Variants in ZHX2 observed in about 807,000 individuals in gnomAD.
The protein encoded by ZHX2 is zinc fingers and homeoboxes 2.
ZHX2 carries 6 observed loss-of-function variants against 21.9 expected under a neutral mutation model. The ratio of observed to expected loss-of-function variants is 0.27; its 90% CI spans 0.15 to 0.54. ZHX2 has a LOEUF of 0.54. Among genes scored for constraint, ZHX2 ranks in the 20% least tolerant of loss-of-function variants. ZHX2 has a pLI of 0.95. For missense variants in ZHX2, 908 were observed against 1,090.7 expected, an observed-to-expected ratio of 0.83 and a Z score of 2.36; for synonymous variants, 434 against 437.1, an observed-to-expected ratio of 0.99 and a Z score of 0.09.
At chr8:122,784,485 G>A (rs989971188) in intron 1 of ZHX2, among the ~76,000 whole-genome samples, 4 of 152,150 alleles carry the variant, frequency 2.6e-5, no homozygotes, top group South Asian at 4.1e-4. Flanking sequence ...TCAGATACAC[G>A]ACGTCACAGT....
intron 2 of ZHX2, among the ~76,000 whole-genome samples, chr8:122,921,135 G>T (rs187192963): frequency 1.3e-5 from 2 of 151,968 alleles, no homozygotes; most frequent in Non-Finnish European, 2.9e-5. Flanking sequence ...GCTGGAGTGC[G>T]TTGGCGTGAT....
chr8:122,822,462 C>T (rs1489484703), intron 1 of ZHX2, among the ~76,000 whole-genome samples: 1 of 152,162 alleles, frequency 6.6e-6, no homozygotes, highest in Non-Finnish European at 1.5e-5. Context: ...TCATAGGAGG[C>T]ATGCTCGTAA....
chr8:122,949,749 T>C (rs901710898), intron 2 of ZHX2, among the ~76,000 whole-genome samples: 1 of 151,908 alleles, frequency 6.6e-6, no homozygotes, highest in Non-Finnish European at 1.5e-5. Context: ...TGTGTGCCTG[T>C]AGTTCCAGCT....
At chr8:122,894,982 G>A (rs1041181444) in intron 2 of ZHX2, among the ~76,000 whole-genome samples, 1 of 152,152 alleles carries the variant, frequency 6.6e-6, no homozygotes, top group Non-Finnish European at 1.5e-5. Flanking sequence ...ATCAGTAACA[G>A]TCTGACTGAC....
intron 2 of ZHX2, among the ~76,000 whole-genome samples, chr8:122,887,790 G>A (rs1819880964): frequency 6.6e-6 from 1 of 152,144 alleles, no homozygotes; most frequent in African/African-American, 2.4e-5. Flanking sequence ...GGTTTTTCCA[G>A]GTGGTCCCTG....
Position 122,820,262 on chromosome 8 carries a change from C to T in ZHX2, c.-283+38316C>T, listed in dbSNP as rs796721296. 2.6e-5 allele frequency among the ~76,000 whole-genome samples: 4 copies of T among 152,284 alleles called. 1 individual carries two copies. The highest frequency in any genetic ancestry group is 9.6e-5 in the African/African-American group (4 of 41,550). On this transcript the variant is annotated intron_variant, in intron 1 of 3. Coordinates refer to ENST00000314393, the MANE Select transcript of ZHX2 (RefSeq NM_014943.5). The stretch of plus-strand genomic sequence containing the variant: ...GCTGTGGGGCTGGCTGTGGCCTCCT[C>T]GCAGGCCAGGGAGGAGCAGAGCTGG...
At chr8:122,875,129 TTATATATATATATATATATA>T (rs71310631) in intron 2 of ZHX2, among the ~76,000 whole-genome samples, 48 of 10,208 alleles carry the variant, frequency 4.7e-3, no homozygotes, top group Non-Finnish European at 6.2e-3. Flanking sequence ...GAAAACTCTG[TTATATATATATATATATATA>T]TATATATATA....
At chr8:122,954,466 C>T (rs879282998) in intron 3 of ZHX2, among the ~76,000 whole-genome samples, 2 of 152,168 alleles carry the variant, frequency 1.3e-5, no homozygotes, top group Admixed American at 6.5e-5. Flanking sequence ...TGCCACCACA[C>T]CCAACTAATA....
rs147052165 is a variant in ZHX2 at position 122,864,977 on chromosome 8, A to G, written c.-220+1438A>G. Among the ~76,000 whole-genome samples the G allele has an allele frequency of 4.5e-3, 683 of 152,292 alleles. 7 individuals carry two copies. Among genetic ancestry groups the G allele is most frequent in the African/African-American group, 0.016 (663 of 41,558 alleles). ...TGAGGGCAGGGCTCTGTGGGAGGCC[A>G]GAGACGGTGTTTTTCTTTAAGAAAC... On this transcript the variant is annotated intron_variant, in intron 2 of 3. Coordinates refer to ENST00000314393, the MANE Select transcript of ZHX2 (RefSeq NM_014943.5).
intron 2 of ZHX2, among the ~76,000 whole-genome samples, chr8:122,904,842 A>G (rs569650185): frequency 2.6e-5 from 4 of 152,394 alleles, no homozygotes; most frequent in East Asian, 1.9e-4. Flanking sequence ...GAGATGCTAC[A>G]GAAGTTAAAA....
chr8:122,867,762 C>A (rs1375045157), intron 2 of ZHX2, among the ~76,000 whole-genome samples: 1 of 152,186 alleles, frequency 6.6e-6, no homozygotes, highest in African/African-American at 2.4e-5. Flanking sequence ...CGTGCAAACT[C>A]GCTCACAAAA....
chr8:122,798,521 G>T (rs533723669), intron 1 of ZHX2, among the ~76,000 whole-genome samples: 1 of 152,244 alleles, frequency 6.6e-6, no homozygotes, highest in African/African-American at 2.4e-5. Flanking sequence ...GGCTGAGCAC[G>T]GTGGCTCACA....
intron 2 of ZHX2, among the ~76,000 whole-genome samples, chr8:122,873,232 G>A (rs909306866): frequency 1.3e-5 from 2 of 152,242 alleles, no homozygotes; most frequent in African/African-American, 2.4e-5. Flanking sequence ...AGCAGACTCA[G>A]TGGGGAGCAC....
At chr8:122,966,334 G>A (rs1813584822) in intron 3 of ZHX2, among the ~76,000 whole-genome samples, 1 of 152,080 alleles carries the variant, frequency 6.6e-6, no homozygotes, top group African/African-American at 2.4e-5. Flanking sequence ...AGCATTTCTT[G>A]TAGCACTGCT....
chr8:122,796,893 G>C (rs1352453038), intron 1 of ZHX2, among the ~76,000 whole-genome samples: 1 of 152,206 alleles, frequency 6.6e-6, no homozygotes, highest in Non-Finnish European at 1.5e-5. Flanking sequence ...TCGGGTGCCT[G>C]CTGGTGCCTC....
At chr8:122,908,231 G>A (rs868070525) in intron 2 of ZHX2, among the ~76,000 whole-genome samples, 6 of 152,190 alleles carry the variant, frequency 3.9e-5, no homozygotes, top group East Asian at 3.9e-4. Flanking sequence ...ATGGAGTTTC[G>A]TTCTTGTTGC....
chr8:122,878,025 A>G (rs1195746535), intron 2 of ZHX2, among the ~76,000 whole-genome samples: 1 of 152,180 alleles, frequency 6.6e-6, no homozygotes, highest in African/African-American at 2.4e-5. Flanking sequence ...GTTCCCTCCT[A>G]TCAGGATTTC....
intron 2 of ZHX2, among the ~76,000 whole-genome samples, chr8:122,897,271 A>C (rs57031118): frequency 0.036 from 5,509 of 152,318 alleles, 326 homozygotes; most frequent in African/African-American, 0.13. Flanking sequence ...GTCACCTATT[A>C]AATGGAAAGA....
intron 2 of ZHX2, among the ~76,000 whole-genome samples, chr8:122,878,546 G>A (rs1278335091): frequency 6.6e-6 from 1 of 152,170 alleles, no homozygotes; most frequent in African/African-American, 2.4e-5. Context: ...ATGATTTCAT[G>A]GGAGTGGCAG....
Sources: gnomAD v4.1 joint callset for allele counts (sites outside exome capture counted in the v4.1 genomes callset) on GRCh38, gnomAD v4.1.1 for gene constraint, MANE v1.5 for transcripts, NCBI Gene and HGNC (gene_info 2026-07-23, HGNC 2026-07-21) for gene names.